Variants in PIGN observed in about 807,000 individuals in gnomAD.
The protein encoded by PIGN is phosphatidylinositol glycan anchor biosynthesis class N.
A neutral mutation model predicts 125.4 loss-of-function variants in PIGN; 117 were observed. That is an observed-to-expected ratio of 0.93 (90% CI 0.80 to 1.09). PIGN has a LOEUF of 1.09. Among genes scored for constraint, PIGN ranks in the 50% least tolerant of loss-of-function variants. The probability of loss-of-function intolerance (pLI) is 0.00; values close to 1 mark genes in which losing one functional copy is unlikely to be tolerated. For synonymous variants in PIGN, 392 were observed against 377.8 expected, an observed-to-expected ratio of 1.04 and a Z score of -0.44; for missense variants, 1,075 against 1,094.9, an observed-to-expected ratio of 0.98 and a Z score of 0.26.
intron 25 of PIGN, among the ~76,000 whole-genome samples, chr18:62,086,222 G>T (rs751906792): frequency 6.6e-6 from 1 of 152,152 alleles, no homozygotes; most frequent in Non-Finnish European, 1.5e-5. Flanking sequence ...AAATGACAAC[G>T]CCAAGAAAGA....
At chr18:62,157,252 T>C (rs1167487896) in intron 5 of PIGN, 25 bp from the exon 6 acceptor site, 3 of 1,239,038 alleles carry the variant, frequency 2.4e-6, no homozygotes, top group African/African-American at 1.5e-5. Flanking sequence ...CAAGCAGTAA[T>C]AGTTATATAC....
At chr18:62,170,955 A>C (rs1599683587) in intron 1 of PIGN, among the ~76,000 whole-genome samples, 1 of 152,162 alleles carries the variant, frequency 6.6e-6, no homozygotes, top group East Asian at 1.9e-4. Flanking sequence ...CCTAATCCAG[A>C]GTTTAAGACC....
At chr18:62,174,157 T>C (rs1333493974) in intron 1 of PIGN, among the ~76,000 whole-genome samples, 2 of 149,454 alleles carry the variant, frequency 1.3e-5, no homozygotes, top group African/African-American at 2.5e-5. Flanking sequence ...GAGTTTACAG[T>C]GAACCAAGAT....
chr18:62,058,473 G>A (rs1232561632), intron 30 of PIGN, among the ~76,000 whole-genome samples: 3 of 152,184 alleles, frequency 2.0e-5, no homozygotes, highest in South Asian at 2.1e-4. Flanking sequence ...AGACGCAAAC[G>A]TGAATGAATC....
At chr18:62,096,516 C>CTTTTTTTTTTTTTTTTTTTTTT (rs398033140) in intron 22 of PIGN, among the ~76,000 whole-genome samples, 2 of 85,652 alleles carry the variant, frequency 2.3e-5, no homozygotes, top group East Asian at 3.2e-4. Context: ...GAATTATTTT[C>CTTTTTTTTTTTTTTTTTTTTTT]TTTTTTTTTT....
In PIGN at chr18:62,138,264, G is replaced by A. The variant is rs750379967; in HGVS notation, c.1151C>T (p.Pro384Leu). The A allele has an allele frequency of 6.5e-7, 1 of 1,547,080 alleles. No homozygotes were observed. Among genetic ancestry groups the A allele is most frequent in the Non-Finnish European group, 8.7e-7 (1 of 1,145,236 alleles). The change falls in exon 14 of 31, where the codon CCA (proline) becomes CTA (leucine). Residue 384 changes from proline to leucine, a missense_variant. Around this residue, in one of 3 missense-constraint regions of PIGN, gnomAD observed 915 missense variants for 908.7 expected, o/e 1.01. Transcript: ENST00000640252. ...TTACTTAAATGGTGTAAACAAAAAT[G>A]GTAAAGTAACTTCTTTCTTCTGAGT... is the stretch of plus-strand genomic sequence containing the variant. ...KMTQKKEVTL[P>L]FLFTPFKLLS... is the part of the protein sequence containing the mutation.
chr18:62,161,279 T>C lies in PIGN; in HGVS notation c.75A>G (p.Thr25=). Residue 25 remains threonine, a synonymous_variant, in exon 4 of 31, where the codon ACA becomes ACG. Transcript: ENST00000640252. Reference sequence around the variant, plus strand: ...GAGTCATTCCATGAACCAAAGGAGATGTAAAATAAATGTCAAAGATGGAGG... The same window carrying C: ...GAGTCATTCCATGAACCAAAGGAGACGTAAAATAAATGTCAAAGATGGAGG... The part of the protein sequence containing the change: ...FFASIFDIYF[T]SPLVHGMTPQ... 1 of 1,613,740 alleles carries C rather than the reference T, an allele frequency of 6.2e-7. No homozygotes were observed. The highest frequency in any genetic ancestry group is 8.5e-7 in the Non-Finnish European group (1 of 1,179,780).
chr18:62,131,099 C>A (rs2146992153), intron 14 of PIGN, among the ~76,000 whole-genome samples: 1 of 152,034 alleles, frequency 6.6e-6, no homozygotes. Context: ...GGTTCACATA[C>A]AAGCTAGTAT....
intron 14 of PIGN, among the ~76,000 whole-genome samples, chr18:62,127,437 T>C (rs2035574075): frequency 1.3e-5 from 2 of 152,102 alleles, no homozygotes; most frequent in African/African-American, 4.8e-5. Flanking sequence ...TGAATGCGTA[T>C]AGCTTTCACA....
intron 23 of PIGN, among the ~76,000 whole-genome samples, chr18:62,024,324 C>G (rs554364297): frequency 6.6e-6 from 1 of 152,180 alleles, no homozygotes; most frequent in Non-Finnish European, 1.5e-5. Flanking sequence ...TCCATAGCTG[C>G]TGGGAGACAT....
At chr18:62,170,088 CTTG>C (rs1239941564) in intron 1 of PIGN, among the ~76,000 whole-genome samples, 1 of 152,154 alleles carries the variant, frequency 6.6e-6, no homozygotes, top group African/African-American at 2.4e-5. Context: ...GTACTGGTAG[CTTG>C]TTGTGATTTT....
Position 62,074,793 on chromosome 18 carries a change from C to T in PIGN, c.2605G>A (p.Asp869Asn). Residue 869 changes from aspartate to asparagine, a missense_variant, in exon 29 of 31, where the codon GAC becomes AAC. Asp to Asn is a conservative substitution (Grantham distance 23, BLOSUM62 1). This residue lies in a region of PIGN where 915 missense variants were observed against 908.7 expected (regional missense o/e 1.01). Coordinates refer to ENST00000640252, the MANE Select transcript of PIGN (RefSeq NM_176787.5). ...SLFLIVLVISDIMALHFFFLV... is the reference protein window; with the variant it reads ...SLFLIVLVISNIMALHFFFLV... The stretch of plus-strand genomic sequence containing the variant: ...TAATGCCTTACCAAAGCCATAATGT[C>T]TGATATGACGAGAACAATGAGAAAA... 1 of 1,605,660 alleles carries T rather than the reference C, an allele frequency of 6.2e-7. No homozygotes were observed. Among genetic ancestry groups the T allele is most frequent in the Non-Finnish European group, 8.5e-7 (1 of 1,173,670 alleles).
intron 28 of PIGN, among the ~76,000 whole-genome samples, chr18:62,076,762 TACC>T (rs2033193834): frequency 6.6e-6 from 1 of 152,216 alleles, no homozygotes; most frequent in Non-Finnish European, 1.5e-5. Flanking sequence ...TGCAGATATA[TACC>T]ACAAGTCAGA....
rs2036980203 is a variant in PIGN, at chr18:62,162,247, A to C, written c.-33+6T>G. The C allele has an allele frequency of 6.6e-6, 1 of 152,186 alleles. No individual in the cohort carries two copies. Among genetic ancestry groups the C allele is most frequent in the Admixed American group, 6.5e-5 (1 of 15,286 alleles). The allele number at this position is 152,186 out of a possible 1,614,324, so 9.4% of individuals were successfully genotyped here. A position where few individuals can be genotyped will look rare whatever the true frequency, so the allele number is the denominator to read the frequency against. On this transcript the variant is annotated splice_donor_region_variant and intron_variant, in intron 3 of 30. Transcript: ENST00000640252. ...AACATTTAAATAAAACTGTAAAAGA[A>C]GATACCATTAAATTGCCAAGATCAA...
intron 23 of PIGN, among the ~76,000 whole-genome samples, chr18:62,028,616 T>C (rs507269): frequency 0.049 from 7,488 of 152,286 alleles, 621 homozygotes; most frequent in African/African-American, 0.17. Context: ...CATTGTGCTG[T>C]AAAAAATTAA....
Position 62,107,322 on chromosome 18 carries a change from C to CAGTG in PIGN, c.1575-241_1575-238dup, listed in dbSNP as rs2034688085. 2.4e-5 allele frequency: 10 copies of CAGTG among 424,734 alleles called. No homozygotes were observed. The Admixed American group carries it at 2.6e-4, about 11-fold the overall frequency. 26.3% of individuals were successfully genotyped at this position (424,734 alleles called of 1,614,324 possible). On this transcript the variant is annotated intron_variant, in intron 17 of 30. Transcript: ENST00000640252. The stretch of plus-strand genomic sequence containing the variant: ...TAATTTGAAAACGATCAGCCAGGTG[C>CAGTG]AGTGGCTCAGGCCTGTAATCCCAGC...
At chr18:62,059,811 T>C (rs1052809866) in intron 30 of PIGN, among the ~76,000 whole-genome samples, 8 of 152,224 alleles carry the variant, frequency 5.3e-5, no homozygotes, top group African/African-American at 1.9e-4. Context: ...AGATAAATTT[T>C]ATGGTATGAA....
chr18:62,095,107 A>G (rs2034123537), intron 23 of PIGN, among the ~76,000 whole-genome samples: 1 of 152,214 alleles, frequency 6.6e-6, no homozygotes, highest in South Asian at 2.1e-4. Context: ...ACTTCAATCA[A>G]GATTCTGTAT....
At chr18:62,049,079 C>T (rs1223616438) in intron 30 of PIGN, among the ~76,000 whole-genome samples, 1 of 151,854 alleles carries the variant, frequency 6.6e-6, no homozygotes, top group Non-Finnish European at 1.5e-5. Flanking sequence ...ATATGTGCCA[C>T]ATTTTCTTAA....
Sources: gnomAD v4.1 joint callset for allele counts (sites outside exome capture counted in the v4.1 genomes callset) on GRCh38, gnomAD v4.1.1 for gene constraint, gnomAD v4.1.1 regional missense constraint, MANE v1.5 for transcripts, NCBI Gene and HGNC (gene_info 2026-07-23, HGNC 2026-07-21) for gene names.